Variants in RGPD6 observed in about 807,000 individuals in gnomAD.
RGPD6 encodes the protein RANBP2 like and GRIP domain containing 6.
chr2:110,604,813 C>T, the RGPD6 span, among the ~76,000 whole-genome samples: 14 of 146,918 alleles, frequency 9.5e-5, no homozygotes, highest in East Asian at 2.0e-4. Flanking sequence ...CAAAGGTCTT[C>T]GTTCAAGTTG....
At chr2:110,603,872 G>A in the RGPD6 span, among the ~76,000 whole-genome samples, 3 of 149,878 alleles carry the variant, frequency 2.0e-5, no homozygotes, top group Admixed American at 6.6e-5. Context: ...ATCATATCCC[G>A]GGTGGTAGTT....
At chr2:110,604,852 A>G in the RGPD6 span, among the ~76,000 whole-genome samples, 555 of 148,646 alleles carry the variant, frequency 3.7e-3, 1 homozygote, top group Non-Finnish European at 5.9e-3. Context: ...GACCCATTGT[A>G]GTTAACAAGG....
chr2:110,594,142 A>G, the RGPD6 span, among the ~76,000 whole-genome samples: 1 of 147,822 alleles, frequency 6.8e-6, no homozygotes, highest in Non-Finnish European at 1.5e-5. Flanking sequence ...AATAGATTAA[A>G]GTATATTAAA....
At chr2:110,605,965 G>C in the RGPD6 span, among the ~76,000 whole-genome samples, 1 of 151,568 alleles carries the variant, frequency 6.6e-6, no homozygotes, top group African/African-American at 2.4e-5. Flanking sequence ...TGTCAGCCTT[G>C]GATTGCAGGT....
chr2:110,594,107 GTATTAAAGTA>G, the RGPD6 span, among the ~76,000 whole-genome samples: 4,322 of 145,874 alleles, frequency 0.03, 176 homozygotes, highest in Non-Finnish European at 0.038. Flanking sequence ...ATCAGTCAAT[GTATTAAAGTA>G]TATAAAAGTA....
At chr2:110,605,339 G>A in the RGPD6 span, among the ~76,000 whole-genome samples, 1 of 151,272 alleles carries the variant, frequency 6.6e-6, no homozygotes, top group Admixed American at 6.6e-5. Flanking sequence ...GGGCCAATGA[G>A]AGCCACGCAG....
At chr2:110,593,174 C>T in the RGPD6 span, among the ~76,000 whole-genome samples, 1 of 148,168 alleles carries the variant, frequency 6.7e-6, no homozygotes, top group South Asian at 2.1e-4. Flanking sequence ...TTAGGCAAGA[C>T]ACACATCATC....
the RGPD6 span, among the ~76,000 whole-genome samples, chr2:110,604,616 G>T: frequency 1.7e-4 from 26 of 151,364 alleles, no homozygotes; most frequent in Non-Finnish European, 3.8e-4. Context: ...ACCATTAAAT[G>T]ATATTAAAAT....
At chr2:110,592,925 G>A in the RGPD6 span, among the ~76,000 whole-genome samples, 18 of 146,482 alleles carry the variant, frequency 1.2e-4, no homozygotes. Flanking sequence ...TATTAAATGG[G>A]CTTGAAACTA....
chr2:110,608,482 T>G, the RGPD6 span, among the ~76,000 whole-genome samples: 1 of 148,550 alleles, frequency 6.7e-6, no homozygotes, highest in Non-Finnish European at 1.5e-5. Flanking sequence ...AGCTTAAAAG[T>G]AACCATAAAC....
the RGPD6 span, among the ~76,000 whole-genome samples, chr2:110,589,778 GCCCA>G: frequency 9.2e-6 from 1 of 108,596 alleles, no homozygotes; most frequent in Admixed American, 1.0e-4. Context: ...CCCTCTTCGT[GCCCA>G]CCGTTTCCTC....
At chr2:110,598,766 T>TA in the RGPD6 span, among the ~76,000 whole-genome samples, 2 of 133,156 alleles carry the variant, frequency 1.5e-5, no homozygotes, top group Non-Finnish European at 3.2e-5. Context: ...CTAGAAATAA[T>TA]AAAAAAATGC....
the RGPD6 span, among the ~76,000 whole-genome samples, chr2:110,608,398 T>C: frequency 1.3e-4 from 19 of 151,244 alleles, 1 homozygote; most frequent in Non-Finnish European, 2.1e-4. Flanking sequence ...GAGATTCAAA[T>C]AAGAAAACAA....
At chr2:110,606,402 A>C in the RGPD6 span, among the ~76,000 whole-genome samples, 1 of 109,172 alleles carries the variant, frequency 9.2e-6, no homozygotes, top group South Asian at 3.7e-4. Flanking sequence ...ATAAAGAATA[A>C]TGCCTATCTG....
the RGPD6 span, among the ~76,000 whole-genome samples, chr2:110,593,224 A>G: frequency 6.7e-6 from 1 of 148,206 alleles, no homozygotes; most frequent in Non-Finnish European, 1.5e-5. Flanking sequence ...TGGAGAAGGT[A>G]AAAACCTACC....
chr2:110,600,324 C>T, the RGPD6 span, among the ~76,000 whole-genome samples: 3 of 75,522 alleles, frequency 4.0e-5, no homozygotes. Context: ...TCTATTTCCT[C>T]GAGATGACAG....
At chr2:110,591,846 T>G in the RGPD6 span, among the ~76,000 whole-genome samples, 2 of 148,154 alleles carry the variant, frequency 1.3e-5, no homozygotes, top group Non-Finnish European at 2.9e-5. Flanking sequence ...CCCCAGGCAC[T>G]CTGGATCCCC....
the RGPD6 span, among the ~76,000 whole-genome samples, chr2:110,594,244 CAACA>C: frequency 6.9e-6 from 1 of 144,520 alleles, no homozygotes; most frequent in Non-Finnish European, 1.5e-5. Flanking sequence ...TAAAAACACT[CAACA>C]AACTAGGAAC....
chr2:110,591,919 T>C, the RGPD6 span, among the ~76,000 whole-genome samples: 1 of 147,142 alleles, frequency 6.8e-6, no homozygotes, highest in Non-Finnish European at 1.5e-5. Context: ...AATAAGCATT[T>C]AGTTATAGGC....
Sources: gnomAD v4.1 joint callset for allele counts (sites outside exome capture counted in the v4.1 genomes callset) on GRCh38, gnomAD v4.1.1 for gene constraint, MANE v1.5 for transcripts, NCBI Gene and HGNC (gene_info 2026-07-23, HGNC 2026-07-21) for gene names.